Variants in MIIP observed in about 807,000 individuals in gnomAD.
MIIP encodes migration and invasion inhibitory protein, also known as migration and invasion-inhibitory protein.
A neutral mutation model predicts 44.8 loss-of-function variants in MIIP; 44 were observed. The observed-to-expected ratio is 0.98, with a 90% CI of 0.77 to 1.26. The LOEUF is 1.26. Ranked by LOEUF, MIIP falls within the 50% of genes most tolerant of loss-of-function variation. The probability of loss-of-function intolerance (pLI) is 0.00; values close to 1 mark genes in which losing one functional copy is unlikely to be tolerated. For missense variants in MIIP, 496 were observed against 511.7 expected (o/e 0.97, Z 0.30); for synonymous variants, 225 against 218.3 (o/e 1.03, Z -0.27).
intron 5 of MIIP, 33 bp from the exon 6 acceptor site, chr1:12,029,189 TC>T: frequency 1.9e-6 from 3 of 1,612,848 alleles, no homozygotes; most frequent in Non-Finnish European, 2.5e-6. Flanking sequence ...AGCGGCTCCA[TC>T]CCCCGGCCTG....
At chr1:12,025,370 T>C (rs1482729762) in intron 4 of MIIP, among the ~76,000 whole-genome samples, 2 of 152,124 alleles carry the variant, frequency 1.3e-5, no homozygotes, top group Non-Finnish European at 2.9e-5. Flanking sequence ...GGAATTCCCT[T>C]CCTTTTTAAG....
intron 4 of MIIP, 27 bp downstream of exon 4, chr1:12,022,944 A>G (rs1478483242): frequency 1.9e-6 from 3 of 1,573,544 alleles, no homozygotes; most frequent in Non-Finnish European, 2.6e-6. Flanking sequence ...CCCTGCACAC[A>G]CTTTGCCTGG....
At chr1:12,028,473 A>T (rs751420265) in intron 4 of MIIP, among the ~76,000 whole-genome samples, 10 of 151,742 alleles carry the variant, frequency 6.6e-5, no homozygotes, top group African/African-American at 1.2e-4. Flanking sequence ...AACCATGCAC[A>T]TGCCCACCCC....
intron 1 of MIIP, among the ~76,000 whole-genome samples, chr1:12,020,104 T>C (rs1639938942): frequency 6.6e-6 from 1 of 152,042 alleles, no homozygotes; most frequent in Non-Finnish European, 1.5e-5. Context: ...TTTCCCAGGC[T>C]CCCCCACACT....
At position 12,022,123 on chromosome 1, in the gene MIIP, A is replaced by G. The variant is rs769074276; in HGVS notation, c.143A>G (p.Asn48Ser). 1.9e-6 allele frequency: 3 copies of G among 1,613,814 alleles called. No homozygotes were observed. Among genetic ancestry groups the G allele is most frequent in the Non-Finnish European group, 2.5e-6 (3 of 1,179,916 alleles). ...ESSLESSSSY[N>S]SETPSTPETS... ...AGCCTGGAATCCAGCAGCAGCTACA[A>G]CTCAGAGACTCCATCGACCCCAGAG... The change falls in exon 3 of 10, where the codon AAC becomes AGC. Residue 48 changes from asparagine to serine, a missense_variant. Coordinates refer to ENST00000235332, the MANE Select transcript of MIIP (RefSeq NM_021933.4).
In MIIP at chr1:12,022,832, G is replaced by T. The variant is rs1328106658; in HGVS notation, c.463-1G>T. 2 of 1,602,058 alleles carry T rather than the reference G, an allele frequency of 1.2e-6. No homozygotes were observed. The highest frequency in any genetic ancestry group is 8.5e-7 in the Non-Finnish European group (1 of 1,173,648). On this transcript the variant is annotated splice_acceptor_variant, in intron 3 of 9. Coordinates refer to ENST00000235332, the MANE Select transcript of MIIP (RefSeq NM_021933.4). LOFTEE classifies it high-confidence loss of function. ...TTGTCCCTCTGTGCTTCCTTCCTCA[G>T]CCCAGGGTGACCTTCTCTGAGGAGT...
In MIIP at chr1:12,030,161, G is replaced by A. The variant is rs75104520; in HGVS notation, c.942+37G>A. ...CGTGGGGCTGGATGGTGATGAGGGCGGGGCTGGCTCAGACTGGCCCAGATC... is the reference window on the plus strand; with the variant it reads ...CGTGGGGCTGGATGGTGATGAGGGCAGGGCTGGCTCAGACTGGCCCAGATC... On this transcript the variant is annotated intron_variant, in intron 8 of 9. Transcript: ENST00000235332. 4.8e-3 allele frequency: 7,584 copies of A among 1,593,700 alleles called. 256 individuals are homozygous for A. The African/African-American group carries it at 0.082, about 17-fold the overall frequency.
At chr1:12,023,212 C>T (rs1212918735) in intron 4 of MIIP, among the ~76,000 whole-genome samples, 11 of 146,058 alleles carry the variant, frequency 7.5e-5, no homozygotes, top group Admixed American at 5.5e-4. Flanking sequence ...TACAGGCGAG[C>T]ACCACCACGC....
intron 1 of MIIP, among the ~76,000 whole-genome samples, chr1:12,020,200 G>A (rs752751833): frequency 8.5e-5 from 13 of 152,218 alleles, no homozygotes; most frequent in Admixed American, 1.3e-4. Flanking sequence ...CTAGCTGTGT[G>A]ACTTGGGGCA....
chr1:12,023,547 G>T (rs1640036349), intron 4 of MIIP, among the ~76,000 whole-genome samples: 1 of 151,642 alleles, frequency 6.6e-6, no homozygotes, highest in African/African-American at 2.4e-5. Context: ...GGGACTACAG[G>T]TGCCTGCCAC....
At chr1:12,030,196 G>A (rs1640207091) in intron 8 of MIIP, 72 bp downstream of exon 8, 1 of 1,466,168 alleles carries the variant, frequency 6.8e-7, no homozygotes, top group Non-Finnish European at 9.5e-7. Context: ...CCCCAGGGAG[G>A]GTCACAGAGC....
At chr1:12,023,624 C>T (rs1269461649) in intron 4 of MIIP, among the ~76,000 whole-genome samples, 7 of 149,018 alleles carry the variant, frequency 4.7e-5, no homozygotes, top group Admixed American at 4.7e-4. Context: ...CGTGTTAGCT[C>T]GCCTCAGCCT....
chr1:12,020,396 G>C (rs970392542), intron 1 of MIIP, among the ~76,000 whole-genome samples: 1 of 152,158 alleles, frequency 6.6e-6, no homozygotes, highest in Non-Finnish European at 1.5e-5. Context: ...AAGAAAAAAA[G>C]GAAGCATGCC....
At chr1:12,021,499 C>T (rs1260750270) in intron 1 of MIIP, 146 bp from the exon 2 acceptor site, 4 of 559,944 alleles carry the variant, frequency 7.1e-6, no homozygotes, top group Non-Finnish European at 1.3e-5. Flanking sequence ...GAGGTAGATA[C>T]TGTTGTCGTC....
Position 12,031,713 on chromosome 1 carries a change from C to A in MIIP, c.1081-9C>A, listed in dbSNP as rs112044405. ...TGGCCCCCCTGAGACTTCCCTATTC[C>A]CCATCCAGGCCTCACCAATGCAGAT... On this transcript the variant is annotated splice_polypyrimidine_tract_variant and intron_variant, in intron 9 of 9. Coordinates refer to ENST00000235332, the MANE Select transcript of MIIP (RefSeq NM_021933.4). 16 of 1,614,110 alleles carry A rather than the reference C, an allele frequency of 9.9e-6. No individual in the cohort carries two copies. In the African/African-American group the frequency reaches 1.1e-4, roughly 11 times the overall value.
rs199794246 is a variant in MIIP at position 12,031,308 on chromosome 1, A to C, written c.985A>C (p.Lys329Gln). The change falls in exon 9 of 10, where the codon AAA (lysine) becomes CAA (glutamine). Residue 329 changes from lysine (K) to glutamine (Q), a missense_variant. Coordinates refer to ENST00000235332, the MANE Select transcript of MIIP (RefSeq NM_021933.4). Reference protein sequence around the residue: ...GWDIFPPKSEKSSAPRNLDLW... With the variant: ...GWDIFPPKSEQSSAPRNLDLW... Reference sequence around the variant, plus strand: ...GGACATTTTTCCTCCGAAGTCTGAGAAAAGCTCAGCCCCCAGGAACCTGGA... The same window carrying C: ...GGACATTTTTCCTCCGAAGTCTGAGCAAAGCTCAGCCCCCAGGAACCTGGA... The C allele has an allele frequency of 4.2e-5, 68 of 1,613,952 alleles. No homozygotes were observed. The East Asian group carries it at 7.1e-4, about 17-fold the overall frequency.
chr1:12,031,956 T>C lies in MIIP; in HGVS notation c.*148T>C. On this transcript the variant is annotated 3_prime_UTR_variant, in exon 10 of 10. Transcript: ENST00000235332. ...GGTGGGTGGACCCAAGCTTGTCTGC[T>C]GCCTGAGTTCCAGAGAGGGAGGACC... 2.7e-6 allele frequency: 2 copies of C among 728,736 alleles called. No individual in the cohort carries two copies. The highest frequency in any genetic ancestry group is 4.5e-6 in the Non-Finnish European group (2 of 442,000). 45.1% of individuals were successfully genotyped at this position (728,736 alleles called of 1,614,324 possible). A position where few individuals can be genotyped will look rare whatever the true frequency, so the allele number is the denominator to read the frequency against.
At chr1:12,024,417 T>G (rs1034315152) in intron 4 of MIIP, among the ~76,000 whole-genome samples, 1 of 152,156 alleles carries the variant, frequency 6.6e-6, no homozygotes, top group Admixed American at 6.5e-5. Context: ...ATTTACCACT[T>G]TAGCATTTTT....
chr1:12,029,982 A>C, intron 7 of MIIP, 46 bp from the exon 8 acceptor site: 1 of 1,609,840 alleles, frequency 6.2e-7, no homozygotes, highest in Non-Finnish European at 8.5e-7. Flanking sequence ...TGGGCCCCCA[A>C]CCGCTGGGAG....
Sources: allele counts gnomAD v4.1 joint callset (sites outside exome capture counted in the v4.1 genomes callset), GRCh38; gene constraint gnomAD v4.1.1; transcripts MANE v1.5; gene names NCBI Gene and HGNC (gene_info 2026-07-23, HGNC 2026-07-21).